The following ADRA1A variants were observed in gnomAD, a reference collection of about 807,000 sequenced individuals.
The protein encoded by ADRA1A is adrenoceptor alpha 1A.
ADRA1A carries 31 observed loss-of-function variants against 29.6 expected under a neutral mutation model. The observed-to-expected ratio is 1.05, with a 90% CI of 0.79 to 1.41. The LOEUF is 1.41. Among genes scored for constraint, ADRA1A ranks in the 40% most tolerant of loss-of-function variants. The pLI, the probability that ADRA1A is intolerant of heterozygous loss-of-function variation, is 0.00. For missense variants in ADRA1A, 619 were observed against 601.1 expected, an observed-to-expected ratio of 1.03 and a Z score of -0.31; for synonymous variants, 311 against 254.3, an observed-to-expected ratio of 1.22 and a Z score of -2.12.
intron 2 of ADRA1A, among the ~76,000 whole-genome samples, chr8:26,781,528 G>A (rs1290864623): frequency 6.6e-6 from 1 of 152,354 alleles, no homozygotes; most frequent in East Asian, 1.9e-4. Flanking sequence ...AACAGAGCCT[G>A]TCTTAACTCA....
At chr8:26,850,356 C>G (rs1041880567) in intron 2 of ADRA1A, among the ~76,000 whole-genome samples, 3 of 152,112 alleles carry the variant, frequency 2.0e-5, no homozygotes, top group Admixed American at 6.5e-5. Context: ...AAAGAAGCAA[C>G]AAGAGTATTT....
At chr8:26,786,031 G>C (rs1319612996) in intron 2 of ADRA1A, among the ~76,000 whole-genome samples, 4 of 152,120 alleles carry the variant, frequency 2.6e-5, no homozygotes, top group African/African-American at 9.6e-5. Flanking sequence ...TCCCTAGGAT[G>C]ACCTTTATGG....
At position 26,848,291 on chromosome 8, in the gene ADRA1A, TC is replaced by T; in HGVS notation, c.883+15795del. Among the ~76,000 whole-genome samples the T allele has an allele frequency of 6.6e-6, 1 of 152,292 alleles. No individual in the cohort carries two copies. Among genetic ancestry groups the T allele is most frequent in the South Asian group, 2.1e-4 (1 of 4,820 alleles). On this transcript the variant is annotated intron_variant, in intron 2 of 2. Transcript: ENST00000380573. The surrounding 1 kb of genome is among the most constrained non-coding windows in gnomAD (Gnocchi z 4.3). ...CACTAATATGGATGGAAAGTTTGTG[TC>T]CTCCCCAAATCCACATGTTGAAACC... is the stretch of plus-strand genomic sequence containing the variant.
chr8:26,749,896 G>A (rs879356273), intron 2 of ADRA1A, among the ~76,000 whole-genome samples: 1 of 152,166 alleles, frequency 6.6e-6, no homozygotes, highest in Admixed American at 6.5e-5. Flanking sequence ...AGAAGGCCTG[G>A]TCATGATTCT....
chr8:26,756,368 G>A (rs1210076892), downstream of ADRA1A: 1 of 1,179,764 alleles, frequency 8.5e-7, no homozygotes, highest in Non-Finnish European at 1.1e-6. Context: ...TTTACTTATT[G>A]AAGAAACTGG....
At chr8:26,813,613 T>G (rs1169394579) in intron 2 of ADRA1A, among the ~76,000 whole-genome samples, 1 of 152,136 alleles carries the variant, frequency 6.6e-6, no homozygotes, top group African/African-American at 2.4e-5. Context: ...ACATCCATCC[T>G]ATGCTTGAGT....
chr8:26,794,681 T>G (rs1450049139), intron 2 of ADRA1A, among the ~76,000 whole-genome samples: 1 of 152,142 alleles, frequency 6.6e-6, no homozygotes, highest in Admixed American at 6.6e-5. Flanking sequence ...TTAATTCATG[T>G]GGCCATACCA....
chr8:26,834,620 T>C (rs1811214859), intron 2 of ADRA1A, among the ~76,000 whole-genome samples: 1 of 152,192 alleles, frequency 6.6e-6, no homozygotes, highest in Admixed American at 6.5e-5. Context: ...CACAGCAATC[T>C]CCACGTAGAT....
rs529757660 is a variant in ADRA1A, at chr8:26,820,314, A to G, written c.883+43773T>C. Among the ~76,000 whole-genome samples the G allele has an allele frequency of 5.3e-5, 8 of 152,340 alleles. No homozygotes were observed. In the South Asian group the frequency reaches 1.5e-3, roughly 28 times the overall value. ...TGTTTTTCTCAATTGTAGGTGGAACATTCTCCAGGATAGATCATATACTGG... is the reference window on the plus strand; with the variant it reads ...TGTTTTTCTCAATTGTAGGTGGAACGTTCTCCAGGATAGATCATATACTGG... On this transcript the variant is annotated intron_variant, in intron 2 of 2. Coordinates refer to ENST00000380573, the MANE Select transcript of ADRA1A (RefSeq NM_000680.4).
chr8:26,819,652 G>A (rs1416032944), intron 2 of ADRA1A, among the ~76,000 whole-genome samples: 1 of 151,904 alleles, frequency 6.6e-6, no homozygotes, highest in Non-Finnish European at 1.5e-5. Flanking sequence ...AGAAATCAAA[G>A]CATACTACTA....
intron 2 of ADRA1A, among the ~76,000 whole-genome samples, chr8:26,803,385 A>C (rs921132234): frequency 6.6e-6 from 1 of 152,230 alleles, no homozygotes; most frequent in Admixed American, 6.5e-5. Context: ...ATTAAAAATG[A>C]AAAAAGATGA....
downstream of ADRA1A, among the ~76,000 whole-genome samples, chr8:26,761,121 C>A (rs1805484675): frequency 6.6e-6 from 1 of 152,176 alleles, no homozygotes; most frequent in Non-Finnish European, 1.5e-5. Flanking sequence ...TATATAAGTA[C>A]AGTATATACA....
At chr8:26,814,621 T>C (rs1022359182) in intron 2 of ADRA1A, among the ~76,000 whole-genome samples, 11 of 152,258 alleles carry the variant, frequency 7.2e-5, no homozygotes, top group Non-Finnish European at 1.6e-4. Context: ...AATTTAACAC[T>C]TCTTTAAAAT....
rs373944363 is a variant in ADRA1A, at chr8:26,832,459, C to T, written c.883+31628G>A. Among the ~76,000 whole-genome samples, 6 of 152,136 alleles carry T rather than the reference C, an allele frequency of 3.9e-5. No homozygotes were observed. The East Asian group carries it at 5.8e-4, about 15-fold the overall frequency. On this transcript the variant is annotated intron_variant, in intron 2 of 2. Transcript: ENST00000380573. ...TCCTTGATAGAGGAAAGGAGGAATA[C>T]AATAGACTACAGACACCGTTCAGAG...
At chr8:26,811,280 C>A (rs528252594) in intron 2 of ADRA1A, among the ~76,000 whole-genome samples, 2 of 152,038 alleles carry the variant, frequency 1.3e-5, no homozygotes, top group South Asian at 4.2e-4. Context: ...GCAAGCTCTG[C>A]CTTCCAGGCT....
intron 2 of ADRA1A, among the ~76,000 whole-genome samples, chr8:26,802,386 T>TA (rs1018661096): frequency 7.2e-5 from 11 of 151,936 alleles, no homozygotes; most frequent in African/African-American, 2.7e-4. Context: ...TAAGAAAACA[T>TA]ACAATAATCT....
At chr8:26,800,429 G>T (rs927184676) in intron 2 of ADRA1A, among the ~76,000 whole-genome samples, 8 of 152,046 alleles carry the variant, frequency 5.3e-5, no homozygotes, top group Non-Finnish European at 8.8e-5. Context: ...AGCTCAATGG[G>T]GGAAAGTCTT....
rs1318455855 is a variant in ADRA1A at position 26,813,414 on chromosome 8, C to A, written c.884-42748G>T. Among the ~76,000 whole-genome samples, 6 of 152,250 alleles carry A rather than the reference C, an allele frequency of 3.9e-5. No homozygotes were observed. The East Asian group carries it at 1.2e-3, about 29-fold the overall frequency. On this transcript the variant is annotated intron_variant, in intron 2 of 2. Coordinates refer to ENST00000380573, the MANE Select transcript of ADRA1A (RefSeq NM_000680.4). ...TCTGCCTCATTGAGCTTCCTTCTTA[C>A]AAATAAATGAATTAATTAAGACCCT...
At chr8:26,764,842 C>T (rs965809370), downstream of ADRA1A, among the ~76,000 whole-genome samples, 14 of 152,108 alleles carry the variant, frequency 9.2e-5, no homozygotes, top group Non-Finnish European at 1.3e-4. Context: ...AAGCCAGTGC[C>T]GTCATTTTTT....
Sources: gnomAD v4.1 joint callset for allele counts (sites outside exome capture counted in the v4.1 genomes callset) on GRCh38, gnomAD v4.1.1 for gene constraint, Gnocchi (gnomAD v3.1) non-coding constraint, MANE v1.5 for transcripts, NCBI Gene and HGNC (gene_info 2026-07-23, HGNC 2026-07-21) for gene names.